Variants in SLC24A2 observed in about 807,000 individuals in gnomAD.
SLC24A2 encodes solute carrier family 24 member 2, also known as sodium/potassium/calcium exchanger 2.
A neutral mutation model predicts 62.0 loss-of-function variants in SLC24A2; 36 were observed. That is an observed-to-expected ratio of 0.58 (90% CI 0.44 to 0.77). The LOEUF (loss-of-function observed/expected upper bound fraction) is 0.77. Among genes scored for constraint, SLC24A2 ranks in the 30% least tolerant of loss-of-function variants. SLC24A2 has a pLI of 0.00. For missense variants in SLC24A2, 846 were observed against 817.9 expected, an observed-to-expected ratio of 1.03 and a Z score of -0.42; for synonymous variants, 358 against 294.0, an observed-to-expected ratio of 1.22 and a Z score of -2.23.
chr9:19,799,932 A>G, the SLC24A2 span, among the ~76,000 whole-genome samples: 2 of 152,178 alleles, frequency 1.3e-5, no homozygotes, highest in African/African-American at 4.8e-5. Context: ...ATCTGAAATC[A>G]AGCATGGTTA....
chr9:20,279,803 A>C, the SLC24A2 span, among the ~76,000 whole-genome samples: 4 of 152,180 alleles, frequency 2.6e-5, no homozygotes, highest in Non-Finnish European at 4.4e-5. Flanking sequence ...CCATTAAAAC[A>C]AGTGTTCCTT....
the SLC24A2 span, among the ~76,000 whole-genome samples, chr9:19,955,177 G>T: frequency 1.3e-5 from 2 of 152,050 alleles, no homozygotes; most frequent in South Asian, 2.1e-4. Flanking sequence ...ATTGTTTCCT[G>T]TGTGGTGGCA....
the SLC24A2 span, among the ~76,000 whole-genome samples, chr9:19,799,586 C>G: frequency 1.3e-5 from 2 of 152,198 alleles, no homozygotes; most frequent in African/African-American, 4.8e-5. Flanking sequence ...CCACAGATAA[C>G]ATAAAATCTA....
intron 7 of SLC24A2, among the ~76,000 whole-genome samples, chr9:19,563,820 T>TC (rs1835528610): frequency 2.2e-5 from 2 of 92,942 alleles, no homozygotes; most frequent in African/African-American, 1.1e-4. Context: ...CTTCCTTCCT[T>TC]CCTTCCTCCC....
At chr9:19,768,138 C>T (rs1822577220) in intron 2 of SLC24A2, among the ~76,000 whole-genome samples, 2 of 152,170 alleles carry the variant, frequency 1.3e-5, no homozygotes. Context: ...CTTAAAGGCC[C>T]CACCTCTCAA....
intron 8 of SLC24A2, among the ~76,000 whole-genome samples, chr9:19,532,671 G>A (rs185739562): frequency 9.5e-4 from 144 of 152,286 alleles, no homozygotes; most frequent in Non-Finnish European, 1.3e-3. Context: ...TTGGCTTTGC[G>A]TCTTTCTAGC....
intron 2 of SLC24A2, among the ~76,000 whole-genome samples, chr9:19,642,584 C>T (rs1818529273): frequency 6.6e-6 from 1 of 151,824 alleles, no homozygotes; most frequent in Non-Finnish European, 1.5e-5. Context: ...CCTACAGGTC[C>T]TGCTTACATT....
chr9:19,631,534 G>C (rs1191875004), intron 2 of SLC24A2, among the ~76,000 whole-genome samples: 1 of 152,158 alleles, frequency 6.6e-6, no homozygotes, highest in Non-Finnish European at 1.5e-5. Flanking sequence ...TCTTGAGTGA[G>C]GGGGTCTTAC....
the SLC24A2 span, among the ~76,000 whole-genome samples, chr9:19,923,566 G>A: frequency 6.6e-6 from 1 of 152,106 alleles, no homozygotes; most frequent in African/African-American, 2.4e-5. Context: ...CATTGCCGCA[G>A]TTCTGCTGTG....
chr9:20,248,993 A>G, the SLC24A2 span, among the ~76,000 whole-genome samples: 2 of 152,200 alleles, frequency 1.3e-5, 1 homozygote, highest in South Asian at 4.1e-4. Context: ...CAGGGAGCCC[A>G]GTGGACACAG....
At chr9:20,010,878 T>C in the SLC24A2 span, among the ~76,000 whole-genome samples, 10 of 151,556 alleles carry the variant, frequency 6.6e-5, no homozygotes, top group African/African-American at 1.7e-4. Flanking sequence ...TTTGTCCTTG[T>C]GATAGTTTGC....
chr9:19,680,851 T>TG (rs1819700176), intron 2 of SLC24A2, among the ~76,000 whole-genome samples: 78 of 147,074 alleles, frequency 5.3e-4, no homozygotes, highest in African/African-American at 1.9e-3. Context: ...TATACCAGAG[T>TG]TGTGTGTGTG....
chr9:20,017,867 G>A, the SLC24A2 span, among the ~76,000 whole-genome samples: 1 of 152,312 alleles, frequency 6.6e-6, no homozygotes, highest in African/African-American at 2.4e-5. Flanking sequence ...TTGAGGGTGG[G>A]TCTGCCTCTC....
intron 2 of SLC24A2, among the ~76,000 whole-genome samples, chr9:19,689,454 G>A (rs1819980143): frequency 6.6e-6 from 1 of 152,068 alleles, no homozygotes; most frequent in Admixed American, 6.6e-5. Flanking sequence ...AGGAATTATT[G>A]GGCACTTCTT....
chr9:19,528,789 T>C (rs1268578806), intron 8 of SLC24A2, among the ~76,000 whole-genome samples: 2 of 152,276 alleles, frequency 1.3e-5, no homozygotes, highest in African/African-American at 2.4e-5. Context: ...AAGCGCCCAA[T>C]TGTACTGATT....
At chr9:20,229,464 T>C in the SLC24A2 span, among the ~76,000 whole-genome samples, 2 of 152,170 alleles carry the variant, frequency 1.3e-5, no homozygotes, top group Non-Finnish European at 2.9e-5. Flanking sequence ...TTTTACTTGT[T>C]AAAATTAGAG....
At chr9:20,052,528 T>C in the SLC24A2 span, among the ~76,000 whole-genome samples, 1 of 152,236 alleles carries the variant, frequency 6.6e-6, no homozygotes, top group Non-Finnish European at 1.5e-5. Context: ...TCCCGTTTTT[T>C]CCATGGGTTT....
intron 2 of SLC24A2, among the ~76,000 whole-genome samples, chr9:19,771,348 A>G (rs1255932049): frequency 6.6e-6 from 1 of 152,230 alleles, no homozygotes; most frequent in African/African-American, 2.4e-5. Flanking sequence ...CTTGCAGAGC[A>G]TTAACACGCC....
chr9:20,268,935 C>T, the SLC24A2 span, among the ~76,000 whole-genome samples: 23 of 152,212 alleles, frequency 1.5e-4, no homozygotes, highest in Non-Finnish European at 2.4e-4. Context: ...GGGATATCAT[C>T]TTCAACAGCC....
Sources: allele counts gnomAD v4.1 joint callset (sites outside exome capture counted in the v4.1 genomes callset), GRCh38; gene constraint gnomAD v4.1.1; transcripts MANE v1.5; gene names NCBI Gene and HGNC (gene_info 2026-07-23, HGNC 2026-07-21).